Variants in ZCCHC17 observed in about 807,000 individuals in gnomAD.
ZCCHC17 encodes zinc finger CCHC domain-containing protein 17.
In ZCCHC17, 18 loss-of-function variants were observed where a neutral mutation model predicts 30.6. That is an observed-to-expected ratio of 0.59 (90% CI 0.41 to 0.87). The LOEUF is 0.87. ZCCHC17 is among the 40% of genes least tolerant of loss of function. The probability of loss-of-function intolerance (pLI) is 0.00; values close to 1 mark genes in which losing one functional copy is unlikely to be tolerated. For missense variants in ZCCHC17, 263 were observed against 284.2 expected, an observed-to-expected ratio of 0.93 and a Z score of 0.54; for synonymous variants, 88 against 92.4, an observed-to-expected ratio of 0.95 and a Z score of 0.27.
chr1:31,360,807 A>G (rs1175678168), intron 7 of ZCCHC17, among the ~76,000 whole-genome samples: 1 of 152,192 alleles, frequency 6.6e-6, no homozygotes, highest in Non-Finnish European at 1.5e-5. Context: ...CTCACTTTAC[A>G]TTTCTGAGTT....
At chr1:31,349,103 C>A in intron 7 of ZCCHC17, 129 bp downstream of exon 7, 1 of 1,137,146 alleles carries the variant, frequency 8.8e-7, no homozygotes, top group Non-Finnish European at 1.2e-6. Flanking sequence ...GAGGATTGCT[C>A]GAGGCCAGAA....
At chr1:31,306,777 C>T (rs779666322) in intron 1 of ZCCHC17, among the ~76,000 whole-genome samples, 1 of 152,158 alleles carries the variant, frequency 6.6e-6, no homozygotes, top group Admixed American at 6.5e-5. Flanking sequence ...AAGCGATCCT[C>T]TTGCTTCAGC....
At chr1:31,349,067 C>A in intron 7 of ZCCHC17, 93 bp downstream of exon 7, 1 of 1,402,662 alleles carries the variant, frequency 7.1e-7, no homozygotes, top group South Asian at 1.5e-5. Flanking sequence ...CACCTGTAGT[C>A]CCAGCTACTT....
chr1:31,314,709 CT>C (rs369840934), intron 2 of ZCCHC17, among the ~76,000 whole-genome samples: 22 of 149,358 alleles, frequency 1.5e-4, no homozygotes, highest in African/African-American at 3.9e-4. Context: ...CATGAGAATT[CT>C]TTTTTTTTTA....
chr1:31,338,870 A>G lies in ZCCHC17; in HGVS notation c.226-87A>G. 4.9e-6 allele frequency: 4 copies of G among 817,510 alleles called. No homozygotes were observed. In the South Asian group the frequency reaches 6.8e-5, roughly 14 times the overall value. 50.6% of individuals were successfully genotyped at this position (817,510 alleles called of 1,614,324 possible). On this transcript the variant is annotated intron_variant, in intron 4 of 7. Transcript: ENST00000344147. ...TGGTCCATTAAAGAAGCTCAATGTT[A>G]TGATGAAAACGTTGACTCTTAATTT...
chr1:31,321,151 G>A (rs779990030), intron 3 of ZCCHC17, among the ~76,000 whole-genome samples: 2 of 152,190 alleles, frequency 1.3e-5, no homozygotes, highest in African/African-American at 2.4e-5. Flanking sequence ...TGTAGTTCTC[G>A]TAATCCCCAT....
chr1:31,344,862 G>GTTTGTTTGT (rs138703385), intron 5 of ZCCHC17, among the ~76,000 whole-genome samples: 1 of 150,486 alleles, frequency 6.6e-6, no homozygotes, highest in African/African-American at 2.4e-5. Flanking sequence ...GTTTTTTTTT[G>GTTTGTTTGT]TTGTTTGTTT....
At chr1:31,323,190 A>G (rs1035161722) in intron 3 of ZCCHC17, among the ~76,000 whole-genome samples, 1 of 152,236 alleles carries the variant, frequency 6.6e-6, no homozygotes, top group Non-Finnish European at 1.5e-5. Context: ...AACTAGGGAC[A>G]AAGATCGAAT....
At position 31,337,260 on chromosome 1, in the gene ZCCHC17, G is replaced by A. The variant is rs772331341; in HGVS notation, c.210G>A (p.Lys70=). The change falls in exon 4 of 8, where the codon AAG becomes AAA. Residue 70 remains lysine, a synonymous_variant. Coordinates refer to ENST00000344147, the MANE Select transcript of ZCCHC17 (RefSeq NM_016505.4). Reference sequence around the variant, plus strand: ...ATGTTGGAGATAAAGTGTGGGTGAAGCTTATTGGCCGAGAGGTAAAGTTCT... The same window carrying A: ...ATGTTGGAGATAAAGTGTGGGTGAAACTTATTGGCCGAGAGGTAAAGTTCT... ...IVDVGDKVWV[K]LIGREMKNDR... 28 of 1,613,982 alleles carry A rather than the reference G, an allele frequency of 1.7e-5. No individual in the cohort carries two copies. Among genetic ancestry groups the A allele is most frequent in the Non-Finnish European group, 2.3e-5 (27 of 1,179,998 alleles).
rs3766294 is a variant in ZCCHC17 at position 31,364,327 on chromosome 1, C to G, written c.*134C>G. On this transcript the variant is annotated 3_prime_UTR_variant, in exon 8 of 8. Transcript: ENST00000344147. ...TTCGCTCCCATGGGAGATGGCTTCC[C>G]CTCATGCAACAGGCAGGTTTGGGAG... 52,519 of 1,412,524 alleles carry G rather than the reference C, an allele frequency of 0.037. 2,862 individuals carry two copies. Among genetic ancestry groups the G allele is most frequent in the South Asian group, 0.2 (12,216 of 59,654 alleles). 87.5% of individuals were successfully genotyped at this position (1,412,524 alleles called of 1,614,324 possible). A position where few individuals can be genotyped will look rare whatever the true frequency, so the allele number is the denominator to read the frequency against.
intron 1 of ZCCHC17, among the ~76,000 whole-genome samples, chr1:31,304,401 A>C (rs1051907576): frequency 6.6e-5 from 10 of 151,446 alleles, no homozygotes; most frequent in Non-Finnish European, 1.5e-4. Flanking sequence ...CTCCTGTCTC[A>C]GTCTCCCGAG....
intron 7 of ZCCHC17, among the ~76,000 whole-genome samples, chr1:31,354,865 T>A (rs1639586905): frequency 6.6e-6 from 1 of 152,178 alleles, no homozygotes. Flanking sequence ...ATAATCATTA[T>A]ACATTATTAT....
At chr1:31,324,368 C>T (rs1285399615) in intron 3 of ZCCHC17, among the ~76,000 whole-genome samples, 1 of 152,188 alleles carries the variant, frequency 6.6e-6, no homozygotes, top group Non-Finnish European at 1.5e-5. Context: ...GGGGGCTGTG[C>T]GGCCAGGGCT....
chr1:31,357,062 C>G (rs1639671379), intron 7 of ZCCHC17, among the ~76,000 whole-genome samples: 1 of 152,100 alleles, frequency 6.6e-6, no homozygotes, highest in South Asian at 2.1e-4. Context: ...GCCTTGGGGA[C>G]CAAGCTGCCC....
At chr1:31,316,486 G>C (rs541505869) in intron 2 of ZCCHC17, among the ~76,000 whole-genome samples, 34 of 152,280 alleles carry the variant, frequency 2.2e-4, no homozygotes, top group Non-Finnish European at 4.3e-4. Flanking sequence ...CCTCTTTCTA[G>C]AACTGTGGAA....
Position 31,330,585 on chromosome 1 carries a change from C to A in ZCCHC17, c.125-6590C>A, listed in dbSNP as rs1048178293. Among the ~76,000 whole-genome samples the A allele has an allele frequency of 4.6e-5, 7 of 151,986 alleles. No homozygotes were observed. The South Asian group carries it at 1.2e-3, about 27-fold the overall frequency. On this transcript the variant is annotated intron_variant, in intron 3 of 7. Transcript: ENST00000344147. The stretch of plus-strand genomic sequence containing the variant: ...TATTTGTAGGTAAGTTCATCTTTCT[C>A]CTTTTTTTAATTGTAAGGATAATAT...
chr1:31,332,383 T>G (rs1025938736), intron 3 of ZCCHC17, among the ~76,000 whole-genome samples: 1 of 152,178 alleles, frequency 6.6e-6, no homozygotes, highest in African/African-American at 2.4e-5. Context: ...GGCCTTTTGG[T>G]AATAAGCCAT....
In ZCCHC17 at chr1:31,336,832, GTT is replaced by G. The variant is rs11345442; in HGVS notation, c.125-331_125-330del. ...GACACGTGCCACCATGCCTGGCCAG[GTT>G]TTTTTTTTTTTGTATTTTTTGTAGA... On this transcript the variant is annotated intron_variant, in intron 3 of 7. Coordinates refer to ENST00000344147, the MANE Select transcript of ZCCHC17 (RefSeq NM_016505.4). Among the ~76,000 whole-genome samples the G allele has an allele frequency of 4.2e-4, 60 of 144,102 alleles. 1 individual carries two copies. The highest frequency in any genetic ancestry group is 6.6e-4 in the South Asian group (3 of 4,534). The allele number at this position is 144,102 out of a possible 152,430, so 94.5% of individuals were successfully genotyped here. A position where few individuals can be genotyped will look rare whatever the true frequency, so the allele number is the denominator to read the frequency against.
intron 3 of ZCCHC17, among the ~76,000 whole-genome samples, chr1:31,323,626 C>A (rs1426921144): frequency 9.9e-5 from 15 of 152,058 alleles, no homozygotes; most frequent in Non-Finnish European, 1.5e-5. Context: ...CGGCCTAGAC[C>A]TCTGTATTAT....
Sources: gnomAD v4.1 joint callset for allele counts (sites outside exome capture counted in the v4.1 genomes callset) on GRCh38, gnomAD v4.1.1 for gene constraint, MANE v1.5 for transcripts, NCBI Gene and HGNC (gene_info 2026-07-23, HGNC 2026-07-21) for gene names.